The following DLG1 variants were observed in gnomAD, a reference collection of about 807,000 sequenced individuals.
The protein encoded by DLG1 is discs large MAGUK scaffold protein 1.
A neutral mutation model predicts 123.4 loss-of-function variants in DLG1; 42 were observed. The observed-to-expected ratio is 0.34, with a 90% CI of 0.27 to 0.44. The LOEUF is 0.44. Among genes scored for constraint, DLG1 ranks in the 20% least tolerant of loss-of-function variants. DLG1 has a pLI of 1.00. For missense variants in DLG1, 942 were observed against 1,082.6 expected (o/e 0.87, Z 1.82); for synonymous variants, 317 against 356.2 (o/e 0.89, Z 1.24).
intron 7 of DLG1, among the ~76,000 whole-genome samples, chr3:197,142,323 G>A (rs1788456195): frequency 2.0e-5 from 3 of 152,108 alleles, no homozygotes; most frequent in Admixed American, 2.0e-4. Context: ...TCCTGGATGG[G>A]CCTCTGAGAG....
At chr3:197,092,921 T>G (rs1316389648) in intron 14 of DLG1, among the ~76,000 whole-genome samples, 1 of 152,222 alleles carries the variant, frequency 6.6e-6, no homozygotes, top group Non-Finnish European at 1.5e-5. Flanking sequence ...TTAAAATTTT[T>G]CATTGATTTT....
At chr3:197,220,450 T>A (rs1017950211) in intron 4 of DLG1, among the ~76,000 whole-genome samples, 2 of 152,276 alleles carry the variant, frequency 1.3e-5, no homozygotes, top group East Asian at 3.9e-4. Context: ...TGTAATGTAC[T>A]AGATTTTCAA....
At chr3:197,265,610 G>C (rs543536618) in intron 4 of DLG1, among the ~76,000 whole-genome samples, 4 of 152,276 alleles carry the variant, frequency 2.6e-5, no homozygotes, top group African/African-American at 9.6e-5. Context: ...TGCATGTAAG[G>C]AAACTTCAAG....
intron 4 of DLG1, among the ~76,000 whole-genome samples, chr3:197,212,309 T>A (rs1455233495): frequency 8.5e-6 from 1 of 117,250 alleles, no homozygotes; most frequent in African/African-American, 2.6e-5. Context: ...CTTGCCTCAC[T>A]TGTTTTCAAC....
At chr3:197,098,302 G>A (rs1230052687) in intron 14 of DLG1, among the ~76,000 whole-genome samples, 1 of 152,196 alleles carries the variant, frequency 6.6e-6, no homozygotes, top group Admixed American at 6.5e-5. Context: ...AGTGATTTAA[G>A]ATAGTCTACA....
intron 3 of DLG1, among the ~76,000 whole-genome samples, chr3:197,288,362 CAAAAAAAAA>C (rs1290725400): frequency 6.6e-5 from 3 of 45,572 alleles, no homozygotes; most frequent in African/African-American, 1.9e-4. Flanking sequence ...GACTCCGTCT[CAAAAAAAAA>C]AAAAAAAAAA....
Position 197,115,928 on chromosome 3 carries a change from G to A in DLG1, c.1442C>T (p.Ser481Leu), listed in dbSNP as rs1773046525. ...GTGATCTTGACTAACGTGTCTTACC[G>A]ATATAATACGATCTCCTTTTCTGAG... ...GELRKGDRII[S>L]VNSVDLRAAS... is the part of the protein sequence containing the mutation. The change falls in exon 13 of 25, where the codon TCG becomes TTG. Residue 481 changes from serine (S) to leucine (L), a missense_variant and splice_region_variant. By Grantham distance (145) the Ser-to-Leu change is moderately radical (BLOSUM62 -2). Transcript: ENST00000667157. 4 of 1,610,412 alleles carry A rather than the reference G, an allele frequency of 2.5e-6. No homozygotes were observed. Among genetic ancestry groups the A allele is most frequent in the East Asian group, 4.5e-5 (2 of 44,634 alleles).
chr3:197,085,498 T>C (rs781332414), intron 16 of DLG1, 82 bp downstream of exon 16: 14 of 1,415,694 alleles, frequency 9.9e-6, no homozygotes, highest in Non-Finnish European at 3.0e-6. Flanking sequence ...GGTCCATCCA[T>C]GTTGTCACAA....
At chr3:197,208,849 A>C (rs1273265721) in intron 4 of DLG1, among the ~76,000 whole-genome samples, 1 of 146,054 alleles carries the variant, frequency 6.8e-6, no homozygotes, top group East Asian at 2.0e-4. Flanking sequence ...TTTCATCTTC[A>C]TACAGCTTTT....
chr3:197,140,206 T>C lies in DLG1; in HGVS notation c.647A>G (p.Asp216Gly). 6.2e-7 allele frequency: 1 copy of C among 1,613,774 alleles called. No homozygotes were observed. Among genetic ancestry groups the C allele is most frequent in the Non-Finnish European group, 8.5e-7 (1 of 1,179,794 alleles). Residue 216 changes from aspartate (D) to glycine (G), a missense_variant, in exon 8 of 25, where the codon GAT (aspartate) becomes GGT (glycine). Transcript: ENST00000667157. ...AGGTDNPHIG[D>G]DSSIFITKII... ...TTTGGTAATGAAAATACTTGAGTCA[T>C]CTCCAATGTGTGGGTTGTCCGTACC...
intron 17 of DLG1, among the ~76,000 whole-genome samples, chr3:197,077,378 T>C (rs1203173796): frequency 6.6e-6 from 1 of 152,084 alleles, no homozygotes; most frequent in African/African-American, 2.4e-5. Context: ...TGCCATCTCT[T>C]AGCCAAGCAA....
At chr3:197,051,533 G>T in intron 24 of DLG1, 44 bp downstream of exon 24, 1 of 1,555,252 alleles carries the variant, frequency 6.4e-7, no homozygotes, top group Non-Finnish European at 8.9e-7. Context: ...TGGCTTCAAA[G>T]CAAAATTCTA....
intron 15 of DLG1, among the ~76,000 whole-genome samples, chr3:197,088,050 C>T (rs915156991): frequency 5.3e-5 from 8 of 152,124 alleles, no homozygotes; most frequent in Admixed American, 3.3e-4. Flanking sequence ...GGATTCTTCT[C>T]TAAGGATATT....
At chr3:197,107,646 T>C (rs1767331776) in intron 13 of DLG1, among the ~76,000 whole-genome samples, 1 of 152,014 alleles carries the variant, frequency 6.6e-6, no homozygotes, top group Non-Finnish European at 1.5e-5. Flanking sequence ...TTCTTTTTGA[T>C]AGTATTATAA....
At chr3:197,230,032 T>C (rs1446415263) in intron 4 of DLG1, among the ~76,000 whole-genome samples, 3 of 152,234 alleles carry the variant, frequency 2.0e-5, no homozygotes, top group African/African-American at 4.8e-5. Flanking sequence ...AAGCCAAGGT[T>C]AGATATTTGG....
chr3:197,206,506 C>T (rs1430989677), intron 4 of DLG1, among the ~76,000 whole-genome samples: 1 of 151,996 alleles, frequency 6.6e-6, no homozygotes, highest in Admixed American at 6.6e-5. Context: ...CACCACATTG[C>T]GCAGGCTGGT....
intron 22 of DLG1, 100 bp from the exon 23 acceptor site, chr3:197,060,098 G>T: frequency 2.8e-6 from 2 of 723,934 alleles, no homozygotes; most frequent in Non-Finnish European, 4.4e-6. Flanking sequence ...ATCATGATCT[G>T]TTTCGATCCT....
intron 5 of DLG1, among the ~76,000 whole-genome samples, chr3:197,152,003 C>A (rs1304995228): frequency 6.6e-6 from 1 of 152,214 alleles, no homozygotes; most frequent in Non-Finnish European, 1.5e-5. Context: ...TAGAGCTTCA[C>A]TGTTGTCCAA....
chr3:197,252,272 C>CT (rs1754805701), intron 4 of DLG1, among the ~76,000 whole-genome samples: 1 of 152,028 alleles, frequency 6.6e-6, no homozygotes, highest in Non-Finnish European at 1.5e-5. Flanking sequence ...AAAGCAGTGT[C>CT]TCAAAGAGAT....
Sources: gnomAD v4.1 joint callset for allele counts (sites outside exome capture counted in the v4.1 genomes callset) on GRCh38, gnomAD v4.1.1 for gene constraint, MANE v1.5 for transcripts, NCBI Gene and HGNC (gene_info 2026-07-23, HGNC 2026-07-21) for gene names.